Variants in GTF2E2 observed in about 807,000 individuals in gnomAD.
GTF2E2 encodes the protein general transcription factor IIE subunit 2, also known as transcription initiation factor IIE subunit beta.
A neutral mutation model predicts 40.5 loss-of-function variants in GTF2E2; 21 were observed. That is an observed-to-expected ratio of 0.52 (90% CI 0.37 to 0.75). The LOEUF (loss-of-function observed/expected upper bound fraction) is 0.75, where lower values mean the gene tolerates loss of function less well. Ranked by LOEUF, GTF2E2 falls within the 30% of genes least tolerant of loss-of-function variation. GTF2E2 has a pLI of 0.00. For missense variants in GTF2E2, 298 were observed against 338.4 expected, an observed-to-expected ratio of 0.88 and a Z score of 0.94; for synonymous variants, 117 against 121.6, an observed-to-expected ratio of 0.96 and a Z score of 0.25.
intron 3 of GTF2E2, among the ~76,000 whole-genome samples, chr8:30,618,454 G>A (rs1269370214): frequency 1.3e-5 from 2 of 152,112 alleles, no homozygotes; most frequent in African/African-American, 4.8e-5. Flanking sequence ...GCGGGCCTGG[G>A]AATCTCACAT....
intron 3 of GTF2E2, among the ~76,000 whole-genome samples, chr8:30,626,494 AAAG>A (rs1471034080): frequency 5.3e-5 from 8 of 152,204 alleles, no homozygotes; most frequent in African/African-American, 1.9e-4. Context: ...AAAAAAGAAA[AAAG>A]AAGTAAAATG....
At chr8:30,598,485 G>A (rs1829078220) in intron 6 of GTF2E2, among the ~76,000 whole-genome samples, 1 of 152,150 alleles carries the variant, frequency 6.6e-6, no homozygotes, top group African/African-American at 2.4e-5. Context: ...TTTGTTTAAA[G>A]TCACTTGAGC....
intron 3 of GTF2E2, among the ~76,000 whole-genome samples, chr8:30,619,924 C>T (rs777530449): frequency 2.0e-5 from 3 of 151,932 alleles, no homozygotes; most frequent in Non-Finnish European, 2.9e-5. Context: ...TGCAGATTTC[C>T]AGGTGTCCCT....
At chr8:30,638,004 A>C (rs887744866) in intron 2 of GTF2E2, among the ~76,000 whole-genome samples, 1 of 152,198 alleles carries the variant, frequency 6.6e-6, no homozygotes, top group African/African-American at 2.4e-5. Context: ...TTTGCCATTT[A>C]CATTTTAGAG....
intron 3 of GTF2E2, among the ~76,000 whole-genome samples, chr8:30,617,625 G>A (rs1473029136): frequency 1.3e-5 from 2 of 151,940 alleles, no homozygotes; most frequent in African/African-American, 2.4e-5. Context: ...GGTGGCACAC[G>A]CCTATAGTCC....
chr8:30,650,014 T>C (rs1802218394), intron 2 of GTF2E2, among the ~76,000 whole-genome samples: 1 of 152,106 alleles, frequency 6.6e-6, no homozygotes, highest in South Asian at 2.1e-4. Flanking sequence ...GTGAATTCTA[T>C]CAAACATTTT....
chr8:30,627,290 T>G (rs951821190), intron 3 of GTF2E2, among the ~76,000 whole-genome samples: 4 of 152,064 alleles, frequency 2.6e-5, no homozygotes, highest in African/African-American at 9.7e-5. Flanking sequence ...GAAAAATTTT[T>G]GTGCTGCAAA....
chr8:30,639,781 C>A (rs1161182271), intron 2 of GTF2E2, among the ~76,000 whole-genome samples: 2 of 148,412 alleles, frequency 1.3e-5, no homozygotes, highest in African/African-American at 5.0e-5. Flanking sequence ...TTTTTTTCTT[C>A]ATAATTTCTA....
Position 30,642,283 on chromosome 8 carries a change from A to G in GTF2E2, c.167-7160T>C, listed in dbSNP as rs182936162. On this transcript the variant is annotated intron_variant, in intron 2 of 7. Coordinates refer to ENST00000355904, the MANE Select transcript of GTF2E2 (RefSeq NM_002095.6). The stretch of plus-strand genomic sequence containing the variant: ...CAAAGGGATTTTATCTTTTTGAATT[A>G]AAGGAGAAAAGCCAAAAAAAAAAAA... Among the ~76,000 whole-genome samples the G allele has an allele frequency of 5.4e-3, 653 of 119,902 alleles. 4 individuals carry two copies. The highest frequency in any genetic ancestry group is 0.022 in the African/African-American group (626 of 28,718). 78.7% of individuals were successfully genotyped at this position (119,902 alleles called of 152,430 possible).
At chr8:30,612,644 AGCCTCCCTCTCCT>A (rs1829511983) in intron 4 of GTF2E2, among the ~76,000 whole-genome samples, 163 bp from the exon 5 acceptor site, 1 of 152,106 alleles carries the variant, frequency 6.6e-6, no homozygotes, top group Non-Finnish European at 1.5e-5. Context: ...CTCCTGCCTC[AGCCTCCCTCTCCT>A]GCCTCCCTCC....
At chr8:30,645,542 A>G (rs1802039204) in intron 2 of GTF2E2, 2 of 1,535,514 alleles carry the variant, frequency 1.3e-6, no homozygotes, top group Non-Finnish European at 1.7e-6. Context: ...AGTGAACCCA[A>G]CCCTCTTAGA....
rs548603498 is a variant in GTF2E2, at chr8:30,615,274, T to C, written c.259-559A>G. On this transcript the variant is annotated intron_variant, in intron 3 of 7. Coordinates refer to ENST00000355904, the MANE Select transcript of GTF2E2 (RefSeq NM_002095.6). Reference sequence around the variant, plus strand: ...AGCCTGGGAGGCAAGAGCAAGACTCTGTCTTGAAAAAACACAAAACTAACA... The same window carrying C: ...AGCCTGGGAGGCAAGAGCAAGACTCCGTCTTGAAAAAACACAAAACTAACA... 1.2e-4 allele frequency among the ~76,000 whole-genome samples: 19 copies of C among 152,246 alleles called. No individual in the cohort carries two copies. The East Asian group carries it at 3.1e-3, about 25-fold the overall frequency.
chr8:30,580,814 A>G (rs1828496085), intron 6 of GTF2E2, among the ~76,000 whole-genome samples: 4 of 152,216 alleles, frequency 2.6e-5, no homozygotes, highest in Admixed American at 2.6e-4. Flanking sequence ...GAAGTTTCAC[A>G]TGGAAATGAG....
At position 30,626,058 on chromosome 8, in the gene GTF2E2, G is replaced by A. The variant is rs572926121; in HGVS notation, c.258+8974C>T. On this transcript the variant is annotated intron_variant, in intron 3 of 7. Coordinates refer to ENST00000355904, the MANE Select transcript of GTF2E2 (RefSeq NM_002095.6). Reference sequence around the variant, plus strand: ...CTTCACACAGTGCCACTGACTTATAGGACCAAACAAACTCTACTGGTATAA... The same window carrying A: ...CTTCACACAGTGCCACTGACTTATAAGACCAAACAAACTCTACTGGTATAA... Among the ~76,000 whole-genome samples, 3 of 152,198 alleles carry A rather than the reference G, an allele frequency of 2.0e-5. No homozygotes were observed. In the South Asian group the frequency reaches 6.2e-4, roughly 32 times the overall value.
intron 6 of GTF2E2, among the ~76,000 whole-genome samples, chr8:30,588,027 A>G (rs1828734053): frequency 6.6e-6 from 1 of 152,212 alleles, no homozygotes; most frequent in Admixed American, 6.5e-5. Context: ...ATGAGCCATC[A>G]CTTCACACCT....
At chr8:30,598,934 G>A (rs1829090617) in intron 6 of GTF2E2, among the ~76,000 whole-genome samples, 1 of 152,138 alleles carries the variant, frequency 6.6e-6, no homozygotes, top group African/African-American at 2.4e-5. Context: ...CAAGGCAGGA[G>A]GATCGTTTGG....
intron 6 of GTF2E2, among the ~76,000 whole-genome samples, chr8:30,593,407 C>T (rs1209681644): frequency 1.3e-5 from 2 of 152,118 alleles, no homozygotes; most frequent in African/African-American, 4.8e-5. Context: ...ATTTTTAATT[C>T]ATGTATTTGG....
intron 2 of GTF2E2, chr8:30,645,626 G>T: frequency 6.6e-7 from 1 of 1,512,638 alleles, no homozygotes; most frequent in Admixed American, 2.1e-5. Flanking sequence ...CAAAATCTCT[G>T]AAAGCAGCTC....
At chr8:30,627,856 T>C (rs1441813922) in intron 3 of GTF2E2, among the ~76,000 whole-genome samples, 1 of 152,226 alleles carries the variant, frequency 6.6e-6, no homozygotes, top group African/African-American at 2.4e-5. Context: ...CATCCTTTAC[T>C]GAGTGCTTTG....
Sources: allele counts gnomAD v4.1 joint callset (sites outside exome capture counted in the v4.1 genomes callset), GRCh38; gene constraint gnomAD v4.1.1; transcripts MANE v1.5; gene names NCBI Gene and HGNC (gene_info 2026-07-23, HGNC 2026-07-21).